SLC35B4: variants seen among roughly 807,000 people sequenced by gnomAD.
SLC35B4 encodes solute carrier family 35 member B4.
A neutral mutation model predicts 39.5 loss-of-function variants in SLC35B4; 28 were observed. That is an observed-to-expected ratio of 0.71 (90% CI 0.53 to 0.97). SLC35B4 has a LOEUF of 0.97. SLC35B4 is among the 50% of genes least tolerant of loss of function. SLC35B4 has a pLI of 0.00. For missense variants in SLC35B4, 334 were observed against 414.3 expected, an observed-to-expected ratio of 0.81 and a Z score of 1.68; for synonymous variants, 145 against 150.4, an observed-to-expected ratio of 0.96 and a Z score of 0.26.
chr7:134,303,784 T>A (rs1316324762), intron 4 of SLC35B4, among the ~76,000 whole-genome samples: 1 of 152,174 alleles, frequency 6.6e-6, no homozygotes, highest in African/African-American at 2.4e-5. Context: ...CCAAACTGTA[T>A]GTGTTGTCTC....
chr7:134,316,617 C>G, intron 1 of SLC35B4, 58 bp downstream of exon 1: 1 of 1,532,612 alleles, frequency 6.5e-7, no homozygotes, highest in Non-Finnish European at 8.8e-7. Flanking sequence ...GGGACCTCTC[C>G]TCTGGCTTCC....
At chr7:134,306,051 G>C (rs1003979152) in intron 3 of SLC35B4, among the ~76,000 whole-genome samples, 6 of 152,110 alleles carry the variant, frequency 3.9e-5, no homozygotes, top group African/African-American at 1.4e-4. Context: ...GGTGTTTATT[G>C]AAAGTCCACT....
intron 1 of SLC35B4, among the ~76,000 whole-genome samples, chr7:134,311,404 C>T (rs1180031582): frequency 1.3e-5 from 2 of 152,178 alleles, no homozygotes; most frequent in Non-Finnish European, 1.5e-5. Context: ...ACCTATAATC[C>T]CAGCACTTTG....
At chr7:134,298,810 C>T (rs549251864) in intron 8 of SLC35B4, among the ~76,000 whole-genome samples, 1 of 152,320 alleles carries the variant, frequency 6.6e-6, no homozygotes, top group Non-Finnish European at 1.5e-5. Context: ...ACAAAATGCA[C>T]TTAAGCATTT....
chr7:134,316,943 G>A (rs1450292921), upstream of SLC35B4: 8 of 596,894 alleles, frequency 1.3e-5, no homozygotes, highest in South Asian at 1.2e-4. Flanking sequence ...GCTGTAGTTC[G>A]CAGTCAGCTT....
At chr7:134,306,484 ACCAT>A (rs1358393931) in intron 3 of SLC35B4, among the ~76,000 whole-genome samples, 184 bp downstream of exon 3, 1 of 149,320 alleles carries the variant, frequency 6.7e-6, no homozygotes, top group African/African-American at 2.5e-5. Context: ...ATAAAAGTAA[ACCAT>A]CCACTTTGAG....
chr7:134,304,220 C>G lies in SLC35B4; in HGVS notation c.344+585G>C, dbSNP rs564475149. On this transcript the variant is annotated intron_variant, in intron 4 of 9. Coordinates refer to ENST00000378509, the MANE Select transcript of SLC35B4 (RefSeq NM_032826.5). ...CGGGGACAACATGGCGAAACCCAATCTCTACCAAAAATACAAAAAAGTTAG... is the reference window on the plus strand; with the variant it reads ...CGGGGACAACATGGCGAAACCCAATGTCTACCAAAAATACAAAAAAGTTAG... 1.6e-4 allele frequency among the ~76,000 whole-genome samples: 25 copies of G among 152,138 alleles called. No individual in the cohort carries two copies. In the East Asian group the frequency reaches 4.7e-3, roughly 28 times the overall value.
intron 6 of SLC35B4, among the ~76,000 whole-genome samples, chr7:134,301,408 T>C (rs959427378): frequency 3.9e-5 from 6 of 152,312 alleles, no homozygotes; most frequent in Non-Finnish European, 8.8e-5. Context: ...AAAGAGTCAA[T>C]TGCTCTAACG....
chr7:134,308,318 G>C (rs1025128295), intron 2 of SLC35B4, among the ~76,000 whole-genome samples: 1 of 152,164 alleles, frequency 6.6e-6, no homozygotes, highest in East Asian at 1.9e-4. Flanking sequence ...TATGGTGACA[G>C]GGTATACTTC....
chr7:134,309,261 G>T, intron 2 of SLC35B4, 105 bp downstream of exon 2: 1 of 623,048 alleles, frequency 1.6e-6, no homozygotes, highest in Non-Finnish European at 2.6e-6. Flanking sequence ...TGGTATCTTT[G>T]AAATAAATCT....
At chr7:134,296,057 G>T (rs1803458452) in intron 9 of SLC35B4, among the ~76,000 whole-genome samples, 2 of 151,934 alleles carry the variant, frequency 1.3e-5, no homozygotes, top group Non-Finnish European at 2.9e-5. Context: ...TCAAACTCCT[G>T]ACCTCAAGTG....
At chr7:134,313,589 A>C (rs1563220069) in intron 1 of SLC35B4, among the ~76,000 whole-genome samples, 1 of 152,194 alleles carries the variant, frequency 6.6e-6, no homozygotes, top group Non-Finnish European at 1.5e-5. Context: ...ATTGTGTTTT[A>C]TTATTGGTCC....
Position 134,292,389 on chromosome 7 carries a change from G to C in SLC35B4, c.*2444C>G, listed in dbSNP as rs951926623. 1 of 152,280 alleles carries C rather than the reference G, an allele frequency of 6.6e-6. No individual in the cohort carries two copies. The highest frequency in any genetic ancestry group is 2.4e-5 in the African/African-American group (1 of 41,408). 9.4% of individuals were successfully genotyped at this position (152,280 alleles called of 1,614,324 possible). ...TTCTGCTTCTATATGTGGTCATCTT[G>C]TGCGAGTGTTCTAATCTAATCTATT... On this transcript the variant is annotated 3_prime_UTR_variant, in exon 10 of 10. Coordinates refer to ENST00000378509, the MANE Select transcript of SLC35B4 (RefSeq NM_032826.5).
At chr7:134,309,010 A>AG (rs1169821006) in intron 2 of SLC35B4, among the ~76,000 whole-genome samples, 1 of 152,248 alleles carries the variant, frequency 6.6e-6, no homozygotes, top group African/African-American at 2.4e-5. Flanking sequence ...CGTTTTTAAA[A>AG]AGAAACAAGG....
intron 8 of SLC35B4, among the ~76,000 whole-genome samples, chr7:134,297,446 A>T (rs762363415): frequency 2.6e-4 from 39 of 152,224 alleles, no homozygotes; most frequent in Non-Finnish European, 4.8e-4. Flanking sequence ...CATAATAAAG[A>T]ATAACTCTGA....
Position 134,290,564 on chromosome 7 carries a change from C to T in SLC35B4, c.*4269G>A, listed in dbSNP as rs1392507035. On this transcript the variant is annotated 3_prime_UTR_variant, in exon 10 of 10. Transcript: ENST00000378509. ...AAAAGACAACATGCTACTTTAAAGC[C>T]AAGAGGGGCCAGTCTCCCATTCCAG... 6.6e-6 allele frequency: 1 copy of T among 152,154 alleles called. No homozygotes were observed. The highest frequency in any genetic ancestry group is 1.5e-5 in the Non-Finnish European group (1 of 68,040). 9.4% of individuals were successfully genotyped at this position (152,154 alleles called of 1,614,324 possible).
chr7:134,300,830 T>C lies in SLC35B4; in HGVS notation c.488-569A>G, dbSNP rs550350667. Among the ~76,000 whole-genome samples, 62 of 152,232 alleles carry C rather than the reference T, an allele frequency of 4.1e-4. 2 individuals are homozygous for C. Among genetic ancestry groups the C allele is most frequent in the African/African-American group, 1.5e-3 (62 of 41,534 alleles). Reference sequence around the variant, plus strand: ...TTATACCCAAACTATTTTTATTATATAAAAATAGTTGTTTTACTGTACCCT... The same window carrying C: ...TTATACCCAAACTATTTTTATTATACAAAAATAGTTGTTTTACTGTACCCT... On this transcript the variant is annotated intron_variant, in intron 6 of 9. Transcript: ENST00000378509.
intron 8 of SLC35B4, among the ~76,000 whole-genome samples, chr7:134,298,827 T>C (rs1377659218): frequency 1.3e-5 from 2 of 152,252 alleles, no homozygotes; most frequent in Non-Finnish European, 2.9e-5. Context: ...ATTTGAGGTG[T>C]GTGCAACATA....
At chr7:134,296,185 T>G (rs1803461724) in intron 9 of SLC35B4, among the ~76,000 whole-genome samples, 1 of 152,190 alleles carries the variant, frequency 6.6e-6, no homozygotes, top group African/African-American at 2.4e-5. Context: ...TGCTGCCCTG[T>G]GCCTTACTGA....
Sources: gnomAD v4.1 joint callset for allele counts (sites outside exome capture counted in the v4.1 genomes callset) on GRCh38, gnomAD v4.1.1 for gene constraint, MANE v1.5 for transcripts, NCBI Gene and HGNC (gene_info 2026-07-23, HGNC 2026-07-21) for gene names.